Variants in SPON1 observed in about 807,000 individuals in gnomAD.
SPON1 encodes spondin 1, also known as spondin-1.
Under a neutral mutation model 111.7 loss-of-function variants are expected in SPON1, and 52 were observed. The ratio of observed to expected loss-of-function variants is 0.47; its 90% CI spans 0.37 to 0.59. The LOEUF is 0.59. SPON1 is among the 20% of genes least tolerant of loss of function. The pLI is 0.00. For synonymous variants in SPON1, 410 were observed against 395.8 expected (o/e 1.04, Z -0.43); for missense variants, 957 against 1,068.5 (o/e 0.90, Z 1.46).
intron 3 of SPON1, among the ~76,000 whole-genome samples, chr11:14,053,579 A>G (rs1052736696): frequency 1.3e-5 from 2 of 152,234 alleles, no homozygotes; most frequent in Non-Finnish European, 2.9e-5. Flanking sequence ...AAGGATAAAA[A>G]TGAGAACTTT....
chr11:14,157,783 T>C (rs1847866643), intron 6 of SPON1, among the ~76,000 whole-genome samples: 1 of 152,164 alleles, frequency 6.6e-6, no homozygotes, highest in South Asian at 2.1e-4. Context: ...CCTCTGCTAG[T>C]CTGAAATGCT....
At chr11:13,973,666 T>C (rs1554908831) in intron 1 of SPON1, among the ~76,000 whole-genome samples, 1 of 152,238 alleles carries the variant, frequency 6.6e-6, no homozygotes, top group Non-Finnish European at 1.5e-5. Flanking sequence ...ATTTTTAATA[T>C]ATTTTATTGA....
chr11:14,004,431 A>C (rs1848343715), intron 2 of SPON1, among the ~76,000 whole-genome samples: 1 of 151,782 alleles, frequency 6.6e-6, no homozygotes, highest in South Asian at 2.1e-4. Flanking sequence ...CCATGGCTAT[A>C]CCAATCTACG....
chr11:14,176,516 T>C (rs574701182), intron 6 of SPON1, among the ~76,000 whole-genome samples: 79 of 151,826 alleles, frequency 5.2e-4, no homozygotes, highest in African/African-American at 1.8e-3. Flanking sequence ...AGACACCCCA[T>C]CATAGGGCTA....
chr11:14,043,358 C>T (rs1370159732), intron 3 of SPON1, among the ~76,000 whole-genome samples: 7 of 152,132 alleles, frequency 4.6e-5, no homozygotes, highest in African/African-American at 1.2e-4. Context: ...TATTTGGCTT[C>T]CTCTGGTTAG....
rs1591407378 is a variant in SPON1, at chr11:14,196,548, G to A, written c.826-46784G>A. On this transcript the variant is annotated intron_variant, in intron 6 of 15. Coordinates refer to ENST00000576479, the MANE Select transcript of SPON1 (RefSeq NM_006108.4). ...ACATTTGTAGAAGGACAGAATAGAG[G>A]GAGGAAAACAGATCAAACATCCTTG... Among the ~76,000 whole-genome samples the A allele has an allele frequency of 2.0e-5, 3 of 152,288 alleles. No individual in the cohort carries two copies. The East Asian group carries it at 5.8e-4, about 29-fold the overall frequency.
intron 11 of SPON1, among the ~76,000 whole-genome samples, chr11:14,258,928 T>C (rs1355938852): frequency 2.0e-5 from 3 of 152,254 alleles, no homozygotes; most frequent in Admixed American, 6.5e-5. Context: ...CAGGGAAGGA[T>C]TGTTCCTCAT....
chr11:14,146,629 A>T (rs1554929372), intron 6 of SPON1, among the ~76,000 whole-genome samples: 2 of 152,226 alleles, frequency 1.3e-5, no homozygotes, highest in African/African-American at 4.8e-5. Context: ...ATAGAAAACT[A>T]AACAGTCAAC....
intron 6 of SPON1, among the ~76,000 whole-genome samples, chr11:14,235,487 T>A (rs782724027): frequency 7.9e-5 from 12 of 151,906 alleles, no homozygotes; most frequent in Middle Eastern, 3.4e-3. Context: ...GAGGCCAGCC[T>A]GAGCAACAAA....
intron 6 of SPON1, among the ~76,000 whole-genome samples, chr11:14,174,278 T>G (rs1848146977): frequency 6.6e-6 from 1 of 152,208 alleles, no homozygotes. Flanking sequence ...TCATCTCCCA[T>G]TTGGGGATGA....
intron 6 of SPON1, among the ~76,000 whole-genome samples, chr11:14,236,206 G>A (rs1554939224): frequency 1.3e-5 from 2 of 152,152 alleles, no homozygotes; most frequent in African/African-American, 4.8e-5. Flanking sequence ...ATCTAGCTGA[G>A]CGATGATGGT....
chr11:14,122,242 C>T (rs373669844), intron 5 of SPON1, among the ~76,000 whole-genome samples: 1 of 152,076 alleles, frequency 6.6e-6, no homozygotes, highest in African/African-American at 2.4e-5. Flanking sequence ...TGCACGATCT[C>T]GGCCCACTGC....
At chr11:14,219,369 A>G (rs1848656666) in intron 6 of SPON1, among the ~76,000 whole-genome samples, 1 of 152,192 alleles carries the variant, frequency 6.6e-6, no homozygotes, top group African/African-American at 2.4e-5. Context: ...TTTAAATCAA[A>G]GTGTAGACAG....
intron 2 of SPON1, among the ~76,000 whole-genome samples, chr11:14,001,169 A>G (rs1454656898): frequency 6.6e-6 from 1 of 152,204 alleles, no homozygotes. Flanking sequence ...GATTCTCAGG[A>G]GCTGCTGGAA....
At chr11:14,095,177 A>G (rs1433165337) in intron 5 of SPON1, among the ~76,000 whole-genome samples, 1 of 152,170 alleles carries the variant, frequency 6.6e-6, no homozygotes, top group African/African-American at 2.4e-5. Flanking sequence ...CTAAGTCTCA[A>G]AATTACCTTG....
rs188418485 is a variant in SPON1 at position 14,099,541 on chromosome 11, A to G, written c.676+19520A>G. Reference sequence around the variant, plus strand: ...AATTTAATATGTAGTTCTCATTTTCATTGTTTTCTTAATAGAGTGCTTTTG... The same window carrying G: ...AATTTAATATGTAGTTCTCATTTTCGTTGTTTTCTTAATAGAGTGCTTTTG... On this transcript the variant is annotated intron_variant, in intron 5 of 15. Transcript: ENST00000576479. Among the ~76,000 whole-genome samples the G allele has an allele frequency of 1.3e-3, 196 of 152,150 alleles. No individual in the cohort carries two copies. In the Middle Eastern group the frequency reaches 0.024, roughly 18 times the overall value.
rs1369640980 is a variant in SPON1 at position 14,259,799 on chromosome 11, C to G, written c.1831+98C>G. On this transcript the variant is annotated intron_variant, in intron 13 of 15. Transcript: ENST00000576479. This position sits in a 1 kb window ranked among gnomAD's most constrained non-coding sequence, Gnocchi z 5.0. ...ACCACCATAAAGGTCGGAGGCTGAG[C>G]AGAGGAAAGCATGGCCCATGGTCCT... 1.0e-5 allele frequency: 14 copies of G among 1,337,334 alleles called. No homozygotes were observed. The African/African-American group carries it at 1.9e-4, about 18-fold the overall frequency. 82.8% of individuals were successfully genotyped at this position (1,337,334 alleles called of 1,614,324 possible). A position where few individuals can be genotyped will look rare whatever the true frequency, so the allele number is the denominator to read the frequency against.
At chr11:14,108,477 C>A (rs782278356) in intron 5 of SPON1, among the ~76,000 whole-genome samples, 1 of 152,218 alleles carries the variant, frequency 6.6e-6, no homozygotes, top group East Asian at 1.9e-4. Context: ...CTTCCATGTA[C>A]CAAGTGGAGA....
chr11:14,159,390 T>G (rs111865720), intron 6 of SPON1, among the ~76,000 whole-genome samples: 9,124 of 152,160 alleles, frequency 0.06, 989 homozygotes, highest in African/African-American at 0.21. Flanking sequence ...AAAAATACTG[T>G]TGAGGATGTG....
Sources: gnomAD v4.1 joint callset for allele counts (sites outside exome capture counted in the v4.1 genomes callset) on GRCh38, gnomAD v4.1.1 for gene constraint, Gnocchi (gnomAD v3.1) non-coding constraint, MANE v1.5 for transcripts, NCBI Gene and HGNC (gene_info 2026-07-23, HGNC 2026-07-21) for gene names.